LAMA5: variants seen among roughly 807,000 people sequenced by gnomAD.
The protein encoded by LAMA5 is laminin subunit alpha-5.
Under a neutral mutation model 433.4 loss-of-function variants are expected in LAMA5, and 260 were observed. That is an observed-to-expected ratio of 0.60 (90% CI 0.54 to 0.66). LAMA5 has a LOEUF of 0.66. Among genes scored for constraint, LAMA5 ranks in the 30% least tolerant of loss-of-function variants. LAMA5 has a pLI of 0.00. For synonymous variants in LAMA5, 2,620 were observed against 2,226.6 expected (o/e 1.18, Z -4.97); for missense variants, 5,378 against 5,258.5 (o/e 1.02, Z -0.70).
chr20:62,315,343 G>A, intron 58 of LAMA5, 136 bp from the exon 59 acceptor site: 1 of 728,002 alleles, frequency 1.4e-6, no homozygotes, highest in South Asian at 1.9e-5. Flanking sequence ...ACACCCCGCT[G>A]CTCAGTGCAA....
Position 62,330,729 on chromosome 20 carries a change from A to G in LAMA5, c.3852+14T>C. On this transcript the variant is annotated intron_variant, in intron 30 of 79. Transcript: ENST00000252999. ...CCCTGACACCCCCGTCCCTCTAGAG[A>G]CTATGGCCCTCACCTGGGGCTCACG... 1 of 1,557,304 alleles carries G rather than the reference A, an allele frequency of 6.4e-7. No individual in the cohort carries two copies. The highest frequency in any genetic ancestry group is 8.7e-7 in the Non-Finnish European group (1 of 1,151,118).
At position 62,314,850 on chromosome 20, in the gene LAMA5, G is replaced by C; in HGVS notation, c.8145C>G (p.Ser2715Arg). 1 of 1,612,736 alleles carries C rather than the reference G, an allele frequency of 6.2e-7. No individual in the cohort carries two copies. Among genetic ancestry groups the C allele is most frequent in the African/African-American group, 1.3e-5 (1 of 75,044 alleles). ...VHNASLALSA[S>R]IGRVRELIAQ... ...CAATGAGCTCTCGCACGCGGCCAAT[G>C]CTGGCGGACAGGGCCAGGCTGGCGT... Residue 2715 changes from serine to arginine, a missense_variant, in exon 60 of 80, where the codon AGC becomes AGG. Coordinates refer to ENST00000252999, the MANE Select transcript of LAMA5 (RefSeq NM_005560.6).
At chr20:62,321,673 GT>G (rs1987804261) in intron 48 of LAMA5, among the ~76,000 whole-genome samples, 1 of 106,522 alleles carries the variant, frequency 9.4e-6, no homozygotes, top group African/African-American at 4.0e-5. Flanking sequence ...TGGGGGTGGG[GT>G]CAGTGGAGGG....
intron 2 of LAMA5, 96 bp downstream of exon 2, chr20:62,362,304 G>C (rs528921595): frequency 1.6e-6 from 2 of 1,243,184 alleles, no homozygotes; most frequent in Non-Finnish European, 2.1e-6. Context: ...TCTCGCTCAC[G>C]GTGGAGACCT....
rs763321609 is a variant in LAMA5, at chr20:62,329,962, C to T, written c.3980-46G>A. ...GGGTCAGGCCCCCATCTCTAGCGCCCCCAAGACACCCAGAGGGTTGAAGAT... is the reference window on the plus strand; with the variant it reads ...GGGTCAGGCCCCCATCTCTAGCGCCTCCAAGACACCCAGAGGGTTGAAGAT... On this transcript the variant is annotated intron_variant, in intron 31 of 79. Transcript: ENST00000252999. 20 of 1,592,890 alleles carry T rather than the reference C, an allele frequency of 1.3e-5. No individual in the cohort carries two copies. In the East Asian group the frequency reaches 3.6e-4, roughly 29 times the overall value.
At chr20:62,311,340 CCACACAGGGGCCACCCTT>C in intron 72 of LAMA5, 33 bp from the exon 73 acceptor site, 1 of 1,527,912 alleles carries the variant, frequency 6.5e-7, no homozygotes, top group South Asian at 1.2e-5. Flanking sequence ...CAGGGGCCGC[CCACACAGGGGCCACCCTT>C]CCAGCCACCC....
At chr20:62,330,647 C>T (rs774367620) in intron 30 of LAMA5, 33 bp from the exon 31 acceptor site, 1 of 1,575,244 alleles carries the variant, frequency 6.3e-7, no homozygotes, top group East Asian at 2.3e-5. Context: ...GCAGGCTGAG[C>T]TATGAGCCCC....
chr20:62,321,388 GTCAGAGGACGGGTGGGT>G (rs573723685), intron 48 of LAMA5, among the ~76,000 whole-genome samples: 163 of 3,562 alleles, frequency 0.046, 37 homozygotes, highest in East Asian at 0.18. Context: ...GAGGGGTGGG[GTCAGAGGACGGGTGGGT>G]TCAGAGGACG....
At position 62,310,702 on chromosome 20, in the gene LAMA5, C is replaced by T; in HGVS notation, c.10409G>A (p.Gly3470Asp). 1 of 1,601,208 alleles carries T rather than the reference C, an allele frequency of 6.2e-7. No individual in the cohort carries two copies. Residue 3470 changes from glycine to aspartate, a missense_variant, in exon 75 of 80, where the codon GGC (glycine) becomes GAC (aspartate). By Grantham distance (94) the Gly-to-Asp change is moderately conservative. Transcript: ENST00000252999. The stretch of plus-strand genomic sequence containing the variant: ...GCTGTGGCTGCTGGCCGGGAGGCCG[C>T]CCACAAAGAGGGTGTGGGGCTGGGG... Reference protein sequence around the residue: ...EHPQPHTLFVGGLPASSHSSK... With the variant: ...EHPQPHTLFVDGLPASSHSSK...
intron 2 of LAMA5, among the ~76,000 whole-genome samples, chr20:62,361,850 C>A (rs1321065293): frequency 6.6e-6 from 1 of 152,236 alleles, no homozygotes; most frequent in Non-Finnish European, 1.5e-5. Context: ...TGGAGGCACC[C>A]AGCTGCAGCC....
At chr20:62,340,641 C>T (rs1282445103) in intron 11 of LAMA5, among the ~76,000 whole-genome samples, 1 of 152,072 alleles carries the variant, frequency 6.6e-6, no homozygotes, top group Non-Finnish European at 1.5e-5. Context: ...CAAATCGGTA[C>T]TCCATAGAGA....
Position 62,367,101 on chromosome 20 carries a change from A to G in LAMA5, c.145T>C (p.Tyr49His). The G allele has an allele frequency of 1.6e-6, 2 of 1,277,720 alleles. No homozygotes were observed. Among genetic ancestry groups the G allele is most frequent in the Admixed American group, 3.9e-5 (1 of 25,500 alleles). The allele number at this position is 1,277,720 out of a possible 1,614,324, so 79.1% of individuals were successfully genotyped here. A position where few individuals can be genotyped will look rare whatever the true frequency, so the allele number is the denominator to read the frequency against. The change falls in exon 1 of 80, where the codon TAC (tyrosine) becomes CAC (histidine). Residue 49 changes from tyrosine (Y) to histidine (H), a missense_variant. Physicochemically the swap from Tyr to His is moderately conservative, Grantham distance 83. Coordinates refer to ENST00000252999, the MANE Select transcript of LAMA5 (RefSeq NM_005560.6). ...CGGGCGCCCTCGGCCAGGTTGAAGT[A>G]GGGCGGGTGCAGGCTGAAGCCGCCG... ...AGGGFSLHPP[Y>H]FNLAEGARIA...
intron 2 of LAMA5, among the ~76,000 whole-genome samples, chr20:62,358,099 G>A (rs562118965): frequency 1.5e-5 from 2 of 133,698 alleles, no homozygotes; most frequent in East Asian, 2.0e-4. Context: ...CCAGGGCCTG[G>A]GGGGTCTAGG....
In LAMA5 at chr20:62,311,182, G is replaced by A. The variant is rs1232597149; in HGVS notation, c.10068C>T (p.Ile3356=). The change falls in exon 73 of 80, where the codon ATC becomes ATT. Residue 3356 remains isoleucine, a synonymous_variant. Coordinates refer to ENST00000252999, the MANE Select transcript of LAMA5 (RefSeq NM_005560.6). The part of the protein sequence containing the change: ...SLSSHLEFVG[I]LARHRNWPSL... Reference sequence around the variant, plus strand: ...CTTACCAGTTCCTATGTCGGGCCAGGATGCCCACAAACTCCAGGTGACTGG... The same window carrying A: ...CTTACCAGTTCCTATGTCGGGCCAGAATGCCCACAAACTCCAGGTGACTGG... The A allele has an allele frequency of 1.7e-5, 28 of 1,604,108 alleles. No homozygotes were observed. Among genetic ancestry groups the A allele is most frequent in the Non-Finnish European group, 2.1e-5 (25 of 1,176,188 alleles).
chr20:62,343,667 A>G lies in LAMA5; in HGVS notation c.1477+2151T>C, dbSNP rs1982926160. 3.3e-5 allele frequency among the ~76,000 whole-genome samples: 5 copies of G among 149,692 alleles called. No homozygotes were observed. The South Asian group carries it at 8.6e-4, about 26-fold the overall frequency. On this transcript the variant is annotated intron_variant, in intron 11 of 79. Coordinates refer to ENST00000252999, the MANE Select transcript of LAMA5 (RefSeq NM_005560.6). ...GGCGCATGCCTGTAATCCCAGCTAC[A>G]TGGTAAGCTGAGGCAGGAGAATCAC...
At chr20:62,336,142 C>T (rs367716071) in intron 18 of LAMA5, among the ~76,000 whole-genome samples, 198 bp downstream of exon 18, 194 of 146,582 alleles carry the variant, frequency 1.3e-3, no homozygotes, top group Non-Finnish European at 2.3e-3. Flanking sequence ...TGAGGAACCC[C>T]GCACCCCAAC....
At chr20:62,332,167 G>A (rs1980587437) in intron 28 of LAMA5, among the ~76,000 whole-genome samples, 1 of 152,188 alleles carries the variant, frequency 6.6e-6, no homozygotes, top group Non-Finnish European at 1.5e-5. Flanking sequence ...CTGAGCACAT[G>A]GAACAGCTCG....
chr20:62,349,394 A>T (rs1225677239), intron 6 of LAMA5, among the ~76,000 whole-genome samples: 4 of 151,652 alleles, frequency 2.6e-5, no homozygotes, highest in East Asian at 2.0e-4. Context: ...CTGGAGAAGA[A>T]GATGACCCAC....
rs556246080 is a variant in LAMA5 at position 62,317,108 on chromosome 20, C to T, written c.7512-85G>A. 118 of 1,410,476 alleles carry T rather than the reference C, an allele frequency of 8.4e-5. 1 individual carries two copies. Among genetic ancestry groups the T allele is most frequent in the East Asian group, 5.4e-4 (22 of 40,762 alleles). 87.4% of individuals were successfully genotyped at this position (1,410,476 alleles called of 1,614,324 possible). ...CCAGCCTCCTGCGCTCACAACCAGC[C>T]GTGCCCGTGCCTGCCCGCCAAGTCC... is the stretch of plus-strand genomic sequence containing the variant. On this transcript the variant is annotated intron_variant, in intron 55 of 79. Transcript: ENST00000252999.
Sources: gnomAD v4.1 joint callset for allele counts (sites outside exome capture counted in the v4.1 genomes callset) on GRCh38, gnomAD v4.1.1 for gene constraint, MANE v1.5 for transcripts, NCBI Gene and HGNC (gene_info 2026-07-23, HGNC 2026-07-21) for gene names.